Variants in SH3RF3 observed in about 807,000 individuals in gnomAD.
The protein encoded by SH3RF3 is E3 ubiquitin-protein ligase SH3RF3.
In SH3RF3, 29 loss-of-function variants were observed where a neutral mutation model predicts 66.3. The ratio of observed to expected loss-of-function variants is 0.44; its 90% CI spans 0.33 to 0.60. The LOEUF is 0.60. Among genes scored for constraint, SH3RF3 ranks in the 20% least tolerant of loss-of-function variants. The pLI is 0.04. For synonymous variants in SH3RF3, 583 were observed against 532.0 expected (o/e 1.10, Z -1.32); for missense variants, 1,194 against 1,190.9 (o/e 1.00, Z -0.04).
At position 109,347,843 on chromosome 2, in the gene SH3RF3, T is replaced by C; in HGVS notation, c.743T>C (p.Ile248Thr). The C allele has an allele frequency of 6.2e-7, 1 of 1,613,828 alleles. No homozygotes were observed. The highest frequency in any genetic ancestry group is 1.3e-5 in the African/African-American group (1 of 75,036). ...CAGGGCTTCCTCCCAGCCAGCTATA[T>C]CCAGTGCATCCAGCCCTTGCCACAC... Reference protein sequence around the residue: ...GTQGFLPASYIQCIQPLPHAP... With the variant: ...GTQGFLPASYTQCIQPLPHAP... The change falls in exon 2 of 10, where the codon ATC becomes ACC. Residue 248 changes from isoleucine to threonine, a missense_variant. Ile to Thr is a moderately conservative substitution (Grantham distance 89). Transcript: ENST00000309415.
Position 109,136,174 on chromosome 2 carries a change from C to A in SH3RF3, c.573+6061C>A, listed in dbSNP as rs910005266. On this transcript the variant is annotated intron_variant, in intron 1 of 9. Coordinates refer to ENST00000309415, the MANE Select transcript of SH3RF3 (RefSeq NM_001099289.3). The stretch of plus-strand genomic sequence containing the variant: ...TTTCTAGTGTGCATTTCCGTTTGAT[C>A]TGTATTTAATCTCTATCTTTTACAG... Among the ~76,000 whole-genome samples the A allele has an allele frequency of 2.0e-5, 3 of 152,020 alleles. No individual in the cohort carries two copies. The South Asian group carries it at 6.2e-4, about 32-fold the overall frequency.
intron 1 of SH3RF3, among the ~76,000 whole-genome samples, chr2:109,249,245 C>T (rs921315778): frequency 1.3e-5 from 2 of 152,210 alleles, no homozygotes; most frequent in Admixed American, 1.3e-4. Flanking sequence ...GTTCTTTCTT[C>T]AGGTTTCTGT....
chr2:109,415,079 G>C (rs1170852282), intron 4 of SH3RF3, among the ~76,000 whole-genome samples: 1 of 152,198 alleles, frequency 6.6e-6, no homozygotes, highest in Non-Finnish European at 1.5e-5. Context: ...AGGAAGACGT[G>C]GCACTGCTTG....
chr2:109,419,571 G>T lies in SH3RF3; in HGVS notation c.1332G>T (p.Thr444=). ...CCTCCTCGGCGGGATCTACCCCCAC[G>T]GCTGTCCCACGGGCTGCCTCGGTGT... The part of the protein sequence containing the change: ...DVSSSAGSTP[T]AVPRAASVSG... The change falls in exon 5 of 10, where the codon ACG becomes ACT. Residue 444 remains threonine, a synonymous_variant. Transcript: ENST00000309415. 1 of 1,598,852 alleles carries T rather than the reference G, an allele frequency of 6.3e-7. No homozygotes were observed. Among genetic ancestry groups the T allele is most frequent in the East Asian group, 2.3e-5 (1 of 44,200 alleles).
chr2:109,406,117 A>T (rs996936391), intron 4 of SH3RF3, among the ~76,000 whole-genome samples: 1 of 152,114 alleles, frequency 6.6e-6, no homozygotes, highest in Non-Finnish European at 1.5e-5. Flanking sequence ...TTGCACCCCT[A>T]GGGATTCTTC....
chr2:109,457,331 T>C (rs1354469838), intron 8 of SH3RF3, among the ~76,000 whole-genome samples: 4 of 152,376 alleles, frequency 2.6e-5, no homozygotes, highest in African/African-American at 7.2e-5. Context: ...AATTTTGTTA[T>C]ATGAACAATG....
chr2:109,249,489 C>CTT (rs1443551613), intron 1 of SH3RF3, among the ~76,000 whole-genome samples: 4 of 22,510 alleles, frequency 1.8e-4, no homozygotes, highest in African/African-American at 1.5e-3. Flanking sequence ...TTCTTTCTTT[C>CTT]TTTCTTTCTT....
intron 5 of SH3RF3, among the ~76,000 whole-genome samples, chr2:109,427,054 C>T (rs558202374): frequency 1.4e-4 from 21 of 152,154 alleles, no homozygotes; most frequent in African/African-American, 3.9e-4. Context: ...CTGGAACCTT[C>T]GCCTCCTGGG....
chr2:109,223,868 A>C (rs980220918), intron 1 of SH3RF3, among the ~76,000 whole-genome samples: 1 of 152,180 alleles, frequency 6.6e-6, no homozygotes, highest in Non-Finnish European at 1.5e-5. Flanking sequence ...GTGGTGGCAC[A>C]TGTCTGTTGT....
At chr2:109,180,277 C>T (rs1173748125) in intron 1 of SH3RF3, among the ~76,000 whole-genome samples, 1 of 152,182 alleles carries the variant, frequency 6.6e-6, no homozygotes, top group Non-Finnish European at 1.5e-5. Flanking sequence ...CTCTGCTTCT[C>T]TCTGAGTCCG....
intron 1 of SH3RF3, among the ~76,000 whole-genome samples, chr2:109,257,997 C>T (rs1680260850): frequency 1.7e-5 from 2 of 118,552 alleles, no homozygotes; most frequent in African/African-American, 6.5e-5. Flanking sequence ...ACCACATGTG[C>T]ACACACATAC....
intron 1 of SH3RF3, among the ~76,000 whole-genome samples, chr2:109,333,959 T>C (rs1682344921): frequency 6.6e-6 from 1 of 152,226 alleles, no homozygotes; most frequent in South Asian, 2.1e-4. Flanking sequence ...CTCAGAGTAC[T>C]TTCTGACAAG....
intron 1 of SH3RF3, among the ~76,000 whole-genome samples, chr2:109,151,192 T>C (rs986540036): frequency 6.6e-6 from 1 of 152,240 alleles, no homozygotes; most frequent in Non-Finnish European, 1.5e-5. Context: ...ATTGAAAATA[T>C]GTGTCCAGTG....
chr2:109,308,365 T>C (rs1337453445), intron 1 of SH3RF3, among the ~76,000 whole-genome samples: 8 of 101,410 alleles, frequency 7.9e-5, no homozygotes, highest in Admixed American at 2.0e-4. Context: ...TTCTCCCATT[T>C]TGTAGGTTGC....
At chr2:109,371,386 C>A (rs1052546161) in intron 2 of SH3RF3, among the ~76,000 whole-genome samples, 200 bp from the exon 3 acceptor site, 2 of 152,150 alleles carry the variant, frequency 1.3e-5, no homozygotes, top group South Asian at 4.1e-4. Flanking sequence ...CGAGACTCCG[C>A]CCCTCCCTCC....
chr2:109,393,553 G>C lies in SH3RF3; in HGVS notation c.946-5037G>C, dbSNP rs536492615. Among the ~76,000 whole-genome samples, 59 of 152,234 alleles carry C rather than the reference G, an allele frequency of 3.9e-4. No homozygotes were observed. The South Asian group carries it at 0.012, about 31-fold the overall frequency. On this transcript the variant is annotated intron_variant, in intron 3 of 9. Transcript: ENST00000309415. The stretch of plus-strand genomic sequence containing the variant: ...AGGTGCTCAGTCCGTTTTGTTTTCC[G>C]AATGGTGCATCCATGAAAAGAGTCA...
chr2:109,231,258 C>G (rs1403790804), intron 1 of SH3RF3, among the ~76,000 whole-genome samples: 2 of 152,220 alleles, frequency 1.3e-5, no homozygotes, highest in African/African-American at 2.4e-5. Flanking sequence ...ACTGCTCTTT[C>G]TTCTACAGCT....
Position 109,465,561 on chromosome 2 carries a change from G to T in SH3RF3, c.2148+16072G>T, listed in dbSNP as rs374401795. On this transcript the variant is annotated intron_variant, in intron 8 of 9. Coordinates refer to ENST00000309415, the MANE Select transcript of SH3RF3 (RefSeq NM_001099289.3). Reference sequence around the variant, plus strand: ...TGGTCTCTCATTGTTATTATACTTTGCAGTTCCCTAATGACATCTGTATTA... The same window carrying T: ...TGGTCTCTCATTGTTATTATACTTTTCAGTTCCCTAATGACATCTGTATTA... Among the ~76,000 whole-genome samples, 5 of 152,250 alleles carry T rather than the reference G, an allele frequency of 3.3e-5. No individual in the cohort carries two copies. The East Asian group carries it at 9.6e-4, about 29-fold the overall frequency.
chr2:109,500,020 C>A (rs748543720), intron 9 of SH3RF3, among the ~76,000 whole-genome samples: 2 of 152,032 alleles, frequency 1.3e-5, no homozygotes, highest in African/African-American at 4.8e-5. Flanking sequence ...GCGGGTGGTC[C>A]GTGTGAACAC....
Sources: gnomAD v4.1 joint callset for allele counts (sites outside exome capture counted in the v4.1 genomes callset) on GRCh38, gnomAD v4.1.1 for gene constraint, MANE v1.5 for transcripts, NCBI Gene and HGNC (gene_info 2026-07-23, HGNC 2026-07-21) for gene names.